Variants in NCKAP5 observed in about 807,000 individuals in gnomAD.
NCKAP5 encodes the protein nck-associated protein 5.
In NCKAP5, 92 loss-of-function variants were observed where a neutral mutation model predicts 167.0. The ratio of observed to expected loss-of-function variants is 0.55; its 90% CI spans 0.47 to 0.66. NCKAP5 has a LOEUF of 0.66. Ranked by LOEUF, NCKAP5 falls within the 30% of genes least tolerant of loss-of-function variation. NCKAP5 has a pLI of 0.00. For missense variants in NCKAP5, 2,378 were observed against 2,315.0 expected, an observed-to-expected ratio of 1.03 and a Z score of -0.56; for synonymous variants, 891 against 877.4, an observed-to-expected ratio of 1.02 and a Z score of -0.27.
At position 132,773,878 on chromosome 2, in the gene NCKAP5, T is replaced by C; in HGVS notation, c.5066A>G (p.Glu1689Gly). 6.2e-7 allele frequency: 1 copy of C among 1,610,926 alleles called. No individual in the cohort carries two copies. Among genetic ancestry groups the C allele is most frequent in the South Asian group, 1.1e-5 (1 of 89,994 alleles). The change falls in exon 16 of 20, where the codon GAA becomes GGA. Residue 1689 changes from glutamate (E) to glycine (G), a missense_variant. Coordinates refer to ENST00000409261, the MANE Select transcript of NCKAP5 (RefSeq NM_207363.3). Reference sequence around the variant, plus strand: ...ATCGTCTTCATCCTCTTGCAAGTTTTCATTTGCCTCTTTTACCTGCAGGAA... The same window carrying C: ...ATCGTCTTCATCCTCTTGCAAGTTTCCATTTGCCTCTTTTACCTGCAGGAA... The part of the protein sequence containing the change: ...PKDSLVKEAN[E>G]NLQEDEDDAV...
At chr2:133,057,617 G>A (rs2079850103) in intron 6 of NCKAP5, among the ~76,000 whole-genome samples, 1 of 152,212 alleles carries the variant, frequency 6.6e-6, no homozygotes, top group African/African-American at 2.4e-5. Flanking sequence ...AAGCCTGAGA[G>A]AGGTGAAGAA....
the NCKAP5 span, among the ~76,000 whole-genome samples, chr2:133,584,278 T>C: frequency 6.6e-6 from 1 of 152,252 alleles, no homozygotes; most frequent in African/African-American, 2.4e-5. Flanking sequence ...TTTTCAGATG[T>C]TGGGGAAATG....
intron 16 of NCKAP5, among the ~76,000 whole-genome samples, chr2:132,757,813 G>A (rs906946347): frequency 6.6e-6 from 1 of 152,130 alleles, no homozygotes; most frequent in Non-Finnish European, 1.5e-5. Flanking sequence ...ATGGCAAAAC[G>A]GGCTGAAACT....
At chr2:133,016,285 C>A (rs183739338) in intron 6 of NCKAP5, among the ~76,000 whole-genome samples, 25 of 152,238 alleles carry the variant, frequency 1.6e-4, no homozygotes, top group Admixed American at 1.4e-3. Flanking sequence ...CACATGAAGT[C>A]TGACGATTTA....
intron 6 of NCKAP5, among the ~76,000 whole-genome samples, chr2:133,100,957 T>A (rs2081494178): frequency 6.6e-6 from 1 of 152,218 alleles, no homozygotes; most frequent in Non-Finnish European, 1.5e-5. Context: ...TTTTGGTGTT[T>A]TGGACATGAA....
chr2:133,268,078 TGAA>T (rs1037312342), intron 4 of NCKAP5, among the ~76,000 whole-genome samples: 1 of 152,234 alleles, frequency 6.6e-6, no homozygotes, highest in Non-Finnish European at 1.5e-5. Context: ...GTGGAAAAGT[TGAA>T]GAAAATTTTA....
At chr2:132,795,426 A>C (rs72847219) in intron 12 of NCKAP5, among the ~76,000 whole-genome samples, 14,014 of 152,276 alleles carry the variant, frequency 0.092, 744 homozygotes, top group East Asian at 0.2. Context: ...TATTTTCCTC[A>C]TTGTTTATTT....
chr2:132,941,675 C>T (rs1375343408), intron 8 of NCKAP5, among the ~76,000 whole-genome samples: 2 of 152,178 alleles, frequency 1.3e-5, no homozygotes, highest in Admixed American at 1.3e-4. Flanking sequence ...GACTTGATAA[C>T]ACTGGATGTT....
intron 3 of NCKAP5, among the ~76,000 whole-genome samples, chr2:133,311,843 A>G (rs565088150): frequency 1.3e-5 from 2 of 152,356 alleles, no homozygotes; most frequent in Admixed American, 1.3e-4. Flanking sequence ...TGGGAAGCAG[A>G]GACCGAATAT....
At chr2:133,623,210 A>G in the NCKAP5 span, among the ~76,000 whole-genome samples, 2 of 152,198 alleles carry the variant, frequency 1.3e-5, no homozygotes, top group Admixed American at 1.3e-4. Context: ...AGAAGATAAC[A>G]TCGGAAAAAC....
intron 19 of NCKAP5, among the ~76,000 whole-genome samples, chr2:132,724,259 G>A (rs1690225163): frequency 6.6e-6 from 1 of 152,048 alleles, no homozygotes; most frequent in Admixed American, 6.6e-5. Context: ...TGTCTTTTCT[G>A]TAGCACTCAT....
intron 4 of NCKAP5, among the ~76,000 whole-genome samples, chr2:133,280,865 AG>A (rs1425996297): frequency 6.6e-6 from 1 of 152,210 alleles, no homozygotes; most frequent in African/African-American, 2.4e-5. Context: ...GGTACCACTC[AG>A]AAAACCAAAA....
chr2:133,671,267 G>GGAGGAGAT, the NCKAP5 span, among the ~76,000 whole-genome samples: 1 of 151,724 alleles, frequency 6.6e-6, no homozygotes, highest in Non-Finnish European at 1.5e-5. Context: ...TTGTTTTGGT[G>GGAGGAGAT]GAGGAGATGA....
intron 7 of NCKAP5, among the ~76,000 whole-genome samples, chr2:132,965,850 A>G (rs2076644704): frequency 6.6e-6 from 1 of 152,042 alleles, no homozygotes; most frequent in Non-Finnish European, 1.5e-5. Context: ...CAGTAAAAAC[A>G]TGGTATAATC....
chr2:133,590,523 C>CAA, the NCKAP5 span, among the ~76,000 whole-genome samples: 37 of 89,574 alleles, frequency 4.1e-4, no homozygotes, highest in Non-Finnish European at 5.3e-4. Flanking sequence ...GACTCTGTCT[C>CAA]AAAAAAAAAA....
At chr2:133,637,919 A>G in the NCKAP5 span, among the ~76,000 whole-genome samples, 1 of 152,194 alleles carries the variant, frequency 6.6e-6, no homozygotes, top group Admixed American at 6.5e-5. Flanking sequence ...TAAACATATC[A>G]TAGCAACATT....
intron 6 of NCKAP5, among the ~76,000 whole-genome samples, chr2:133,065,342 G>A (rs1025679754): frequency 3.3e-5 from 5 of 152,156 alleles, no homozygotes; most frequent in African/African-American, 9.7e-5. Context: ...AATAAAAATT[G>A]TTGGCCAGGC....
At chr2:132,804,061 A>AAAACAAAC (rs3043673) in intron 11 of NCKAP5, among the ~76,000 whole-genome samples, 11,065 of 151,966 alleles carry the variant, frequency 0.073, 559 homozygotes, top group East Asian at 0.18. Context: ...AAGTCTTTAC[A>AAAACAAAC]AAACAAACAA....
chr2:133,247,042 C>T lies in NCKAP5; in HGVS notation c.144-33263G>A, dbSNP rs537168635. Among the ~76,000 whole-genome samples, 145 of 152,288 alleles carry T rather than the reference C, an allele frequency of 9.5e-4. 1 individual carries two copies. The South Asian group carries it at 0.011, about 11-fold the overall frequency. On this transcript the variant is annotated intron_variant, in intron 4 of 19. Coordinates refer to ENST00000409261, the MANE Select transcript of NCKAP5 (RefSeq NM_207363.3). Reference sequence around the variant, plus strand: ...TCCTGCCTGCCTGATCTATCTAGCACGTTGTGAGGCCTTGCAAATAGAATC... The same window carrying T: ...TCCTGCCTGCCTGATCTATCTAGCATGTTGTGAGGCCTTGCAAATAGAATC...
Sources: gnomAD v4.1 joint callset for allele counts (sites outside exome capture counted in the v4.1 genomes callset) on GRCh38, gnomAD v4.1.1 for gene constraint, MANE v1.5 for transcripts, NCBI Gene and HGNC (gene_info 2026-07-23, HGNC 2026-07-21) for gene names.